TIA1: variants seen among roughly 807,000 people sequenced by gnomAD.
The protein encoded by TIA1 is TIA1 cytotoxic granule associated RNA binding protein, also known as cytotoxic granule associated RNA binding protein TIA1.
A neutral mutation model predicts 65.9 loss-of-function variants in TIA1; 23 were observed. That is an observed-to-expected ratio of 0.35 (90% CI 0.25 to 0.49). TIA1 has a LOEUF of 0.49. Among genes scored for constraint, TIA1 ranks in the 20% least tolerant of loss-of-function variants. The pLI, the probability that TIA1 is intolerant of heterozygous loss-of-function variation, is 0.98. For synonymous variants in TIA1, 147 were observed against 149.4 expected (o/e 0.98, Z 0.12); for missense variants, 371 against 477.9 (o/e 0.78, Z 2.09).
intron 5 of TIA1, chr2:70,228,610 T>G (rs959901598): frequency 2.7e-5 from 30 of 1,117,884 alleles, no homozygotes; most frequent in Non-Finnish European, 3.3e-5. Context: ...GCAAAATTGT[T>G]GGACCAACAC....
At chr2:70,225,008 A>G in intron 6 of TIA1, 1 of 995,038 alleles carries the variant, frequency 1.0e-6, no homozygotes, top group Non-Finnish European at 1.2e-6. Flanking sequence ...CTTATTTGAC[A>G]CTATATTCTA....
intron 1 of TIA1, among the ~76,000 whole-genome samples, chr2:70,239,942 G>C (rs920093174): frequency 2.0e-5 from 3 of 152,164 alleles, no homozygotes; most frequent in Admixed American, 2.0e-4. Flanking sequence ...CTTTACAGGA[G>C]AATGCTAGTT....
At chr2:70,233,010 T>C (rs141147883) in intron 2 of TIA1, among the ~76,000 whole-genome samples, 2,221 of 152,250 alleles carry the variant, frequency 0.015, 25 homozygotes, top group Middle Eastern at 0.054. Flanking sequence ...AAATATCAAA[T>C]GACATTATAG....
intron 1 of TIA1, among the ~76,000 whole-genome samples, chr2:70,238,927 T>G (rs1167094580): frequency 6.6e-6 from 1 of 152,022 alleles, no homozygotes; most frequent in Non-Finnish European, 1.5e-5. Flanking sequence ...GCGGACATGG[T>G]GGCACTATGT....
intron 12 of TIA1, among the ~76,000 whole-genome samples, chr2:70,213,335 CTTTT>C (rs1172376052): frequency 6.7e-6 from 1 of 149,342 alleles, no homozygotes; most frequent in African/African-American, 2.5e-5. Context: ...ACAAGATTTT[CTTTT>C]CTTTTCTTTT....
intron 7 of TIA1, among the ~76,000 whole-genome samples, chr2:70,221,445 G>A (rs905704427): frequency 1.3e-5 from 2 of 151,936 alleles, no homozygotes; most frequent in African/African-American, 4.8e-5. Flanking sequence ...ACTCCAGCCT[G>A]AGTGACAGAG....
rs58449545 is a variant in TIA1, at chr2:70,237,721, G to A, written c.27-1546C>T. ...TCTACTAAAAACACAAAAATTAGCC[G>A]GGCGTGGTGGCGCCTGCCTGTAATC... On this transcript the variant is annotated intron_variant, in intron 1 of 12. Coordinates refer to ENST00000433529, the MANE Select transcript of TIA1 (RefSeq NM_022173.4). 6.9e-3 allele frequency among the ~76,000 whole-genome samples: 1,049 copies of A among 151,920 alleles called. 13 individuals carry two copies. The highest frequency in any genetic ancestry group is 0.024 in the African/African-American group (1,008 of 41,458).
At chr2:70,225,411 C>T in intron 6 of TIA1, 2 of 1,288,200 alleles carry the variant, frequency 1.6e-6, no homozygotes, top group Non-Finnish European at 2.0e-6. Flanking sequence ...ATAACCAGAG[C>T]CCTATTATTT....
At chr2:70,226,744 A>G (rs746060108) in intron 6 of TIA1, among the ~76,000 whole-genome samples, 1 of 152,208 alleles carries the variant, frequency 6.6e-6, no homozygotes, top group Non-Finnish European at 1.5e-5. Flanking sequence ...CAATCAAGAA[A>G]TGAAAGCTGT....
chr2:70,230,842 C>A lies in TIA1; in HGVS notation c.136G>T (p.Asp46Tyr). The A allele has an allele frequency of 6.2e-7, 1 of 1,610,744 alleles. No individual in the cohort carries two copies. Among genetic ancestry groups the A allele is most frequent in the Non-Finnish European group, 8.5e-7 (1 of 1,178,852 alleles). The change falls in exon 3 of 13, where the codon GAT becomes TAT. Residue 46 changes from aspartate (D) to tyrosine (Y), a missense_variant. Coordinates refer to ENST00000433529, the MANE Select transcript of TIA1 (RefSeq NM_022173.4). ...TGAAACTCCACAAAACAATAGGGATCATTTCCAGCTGTCTGTGGGAGAAGA... is the reference window on the plus strand; with the variant it reads ...TGAAACTCCACAAAACAATAGGGATAATTTCCAGCTGTCTGTGGGAGAAGA... ...CKMIMDTAGN[D>Y]PYCFVEFHEH...
intron 12 of TIA1, among the ~76,000 whole-genome samples, chr2:70,213,179 T>C (rs954645706): frequency 6.6e-6 from 1 of 152,140 alleles, no homozygotes; most frequent in Non-Finnish European, 1.5e-5. Flanking sequence ...CTCATCTCTA[T>C]GCCTTGGTTG....
intron 6 of TIA1, 83 bp from the exon 7 acceptor site, chr2:70,224,712 C>T (rs1234219615): frequency 6.5e-7 from 1 of 1,546,716 alleles, no homozygotes; most frequent in Non-Finnish European, 8.7e-7. Flanking sequence ...AACTCATTCT[C>T]ATGTTTCACC....
chr2:70,240,246 C>T (rs183637314), intron 1 of TIA1, among the ~76,000 whole-genome samples: 11 of 152,162 alleles, frequency 7.2e-5, no homozygotes, highest in Non-Finnish European at 1.2e-4. Context: ...ATGAATTACA[C>T]AGTATCACCT....
At position 70,248,540 on chromosome 2, in the gene TIA1, A is replaced by G. The variant is rs1474181844; in HGVS notation, c.-110T>C. 2 of 1,533,232 alleles carry G rather than the reference A, an allele frequency of 1.3e-6. No homozygotes were observed. Among genetic ancestry groups the G allele is most frequent in the Non-Finnish European group, 8.9e-7 (1 of 1,127,274 alleles). The allele number at this position is 1,533,232 out of a possible 1,614,324, so 95.0% of individuals were successfully genotyped here. A position where few individuals can be genotyped will look rare whatever the true frequency, so the allele number is the denominator to read the frequency against. On this transcript the variant is annotated 5_prime_UTR_variant, in exon 1 of 13. Transcript: ENST00000433529. ...GGATAGTGGGGTTTCTCGGCTGACCAGAGGTTACTCCGCCTCCTCCTCCGG... is the reference window on the plus strand; with the variant it reads ...GGATAGTGGGGTTTCTCGGCTGACCGGAGGTTACTCCGCCTCCTCCTCCGG...
intron 6 of TIA1, among the ~76,000 whole-genome samples, chr2:70,226,891 A>C (rs1217094869): frequency 1.3e-5 from 2 of 152,144 alleles, no homozygotes; most frequent in East Asian, 3.8e-4. Flanking sequence ...ATAACTCTTC[A>C]AACGAAAGCT....
At chr2:70,220,221 A>C (rs771681927) in intron 7 of TIA1, among the ~76,000 whole-genome samples, 9 of 152,116 alleles carry the variant, frequency 5.9e-5, no homozygotes, top group Non-Finnish European at 1.2e-4. Context: ...CAGCCTGGAC[A>C]ACATGACAAA....
chr2:70,248,346 G>C (rs1156637412), intron 1 of TIA1, 59 bp downstream of exon 1: 4 of 1,576,158 alleles, frequency 2.5e-6, no homozygotes, highest in Non-Finnish European at 3.4e-6. Flanking sequence ...GCGCAGGGCC[G>C]AGGCCTTCCC....
At chr2:70,213,209 C>A (rs760908755) in intron 12 of TIA1, among the ~76,000 whole-genome samples, 1 of 152,132 alleles carries the variant, frequency 6.6e-6, no homozygotes, top group African/African-American at 2.4e-5. Context: ...GCTGAGGAAA[C>A]CACTACCTGA....
chr2:70,238,437 A>G (rs1049244493), intron 1 of TIA1, among the ~76,000 whole-genome samples: 3 of 150,780 alleles, frequency 2.0e-5, no homozygotes, highest in Admixed American at 6.6e-5. Flanking sequence ...CGCCCAGCTA[A>G]TTTTTTTATA....
Sources: gnomAD v4.1 joint callset for allele counts (sites outside exome capture counted in the v4.1 genomes callset) on GRCh38, gnomAD v4.1.1 for gene constraint, MANE v1.5 for transcripts, NCBI Gene and HGNC (gene_info 2026-07-23, HGNC 2026-07-21) for gene names.